The following USP25 variants were observed in gnomAD, a reference collection of about 807,000 sequenced individuals.
USP25 encodes the protein ubiquitin carboxyl-terminal hydrolase 25.
Under a neutral mutation model 158.5 loss-of-function variants are expected in USP25, and 85 were observed. That is an observed-to-expected ratio of 0.54 (90% confidence interval 0.45 to 0.64). The LOEUF (loss-of-function observed/expected upper bound fraction) is 0.64. USP25 is among the 30% of genes least tolerant of loss of function. The pLI is 0.00. For missense variants in USP25, 1,242 were observed against 1,327.3 expected (o/e 0.94, Z 1.00); for synonymous variants, 464 against 460.4 (o/e 1.01, Z -0.10).
In USP25 at chr21:15,730,028, C is replaced by G. The variant is rs1301082302; in HGVS notation, c.-366C>G. On this transcript the variant is annotated 5_prime_UTR_variant, in exon 1 of 26. Transcript: ENST00000400183. ...CGTCCCCTCTCTCCCTTCCCCAAAG[C>G]AGCCCGCGGACCGGCAGCAAAGGAA... The G allele has an allele frequency of 1.3e-5, 2 of 151,744 alleles. No individual in the cohort carries two copies. Among genetic ancestry groups the G allele is most frequent in the Admixed American group, 6.6e-5 (1 of 15,214 alleles). 9.4% of individuals were successfully genotyped at this position (151,744 alleles called of 1,614,324 possible).
intron 20 of USP25, among the ~76,000 whole-genome samples, chr21:15,862,027 T>C (rs2039449867): frequency 6.6e-6 from 1 of 152,136 alleles, no homozygotes; most frequent in East Asian, 1.9e-4. Flanking sequence ...AGAAATCTGC[T>C]ATTTATTAAA....
At chr21:15,809,470 C>A (rs2036551125) in intron 8 of USP25, among the ~76,000 whole-genome samples, 1 of 152,066 alleles carries the variant, frequency 6.6e-6, no homozygotes, top group South Asian at 2.1e-4. Context: ...CGAAACACCC[C>A]CCCCAACCCC....
At chr21:15,774,285 C>G (rs2034517515) in intron 3 of USP25, among the ~76,000 whole-genome samples, 2 of 152,110 alleles carry the variant, frequency 1.3e-5, no homozygotes, top group South Asian at 4.1e-4. Context: ...GAAAAGATTT[C>G]TTTTTAAATG....
intron 16 of USP25, 81 bp from the exon 17 acceptor site, chr21:15,833,267 T>C (rs1325840740): frequency 4.6e-6 from 6 of 1,297,542 alleles, no homozygotes; most frequent in Non-Finnish European, 6.5e-6. Context: ...TTAAATTCTA[T>C]TTGAAATGCA....
Position 15,847,638 on chromosome 21 carries a change from T to C in USP25, c.2338-25T>C, listed in dbSNP as rs144298730. Reference sequence around the variant, plus strand: ...TCTCCACTGTTCTCTTTTCTAATGTTTATATTAATGATTTCCTTCTGCAGA... The same window carrying C: ...TCTCCACTGTTCTCTTTTCTAATGTCTATATTAATGATTTCCTTCTGCAGA... On this transcript the variant is annotated intron_variant, in intron 18 of 25. Transcript: ENST00000400183. The C allele has an allele frequency of 8.3e-5, 123 of 1,475,910 alleles. No individual in the cohort carries two copies. The African/African-American group carries it at 1.6e-3, about 19-fold the overall frequency. The allele number at this position is 1,475,910 out of a possible 1,614,324, so 91.4% of individuals were successfully genotyped here. A position where few individuals can be genotyped will look rare whatever the true frequency, so the allele number is the denominator to read the frequency against.
chr21:15,730,541 G>A (rs2030706772), intron 1 of USP25, 103 bp downstream of exon 1: 1 of 1,220,928 alleles, frequency 8.2e-7, no homozygotes, highest in Non-Finnish European at 1.0e-6. Flanking sequence ...CGCCTTCCCG[G>A]GCTTCCTCCC....
intron 18 of USP25, among the ~76,000 whole-genome samples, chr21:15,845,426 T>G (rs2038534960): frequency 6.6e-6 from 1 of 152,168 alleles, no homozygotes. Flanking sequence ...TGGAAAATTT[T>G]TATGGTACTT....
intron 16 of USP25, among the ~76,000 whole-genome samples, chr21:15,833,132 A>C (rs1253334962): frequency 6.6e-6 from 1 of 152,208 alleles, no homozygotes; most frequent in Non-Finnish European, 1.5e-5. Context: ...GGATTATCAA[A>C]TATTTTCATC....
intron 1 of USP25, among the ~76,000 whole-genome samples, chr21:15,748,709 A>G (rs568749475): frequency 1.3e-5 from 2 of 152,256 alleles, no homozygotes; most frequent in Non-Finnish European, 2.9e-5. Flanking sequence ...TGAAAAACCA[A>G]CTACTAACTT....
At chr21:15,877,758 A>G (rs749795146) in intron 24 of USP25, 38 bp from the exon 25 acceptor site, 3 of 1,469,414 alleles carry the variant, frequency 2.0e-6, no homozygotes, top group East Asian at 2.4e-5. Context: ...AAAAGGAAAC[A>G]AAAACCTATT....
chr21:15,737,623 C>G lies in USP25; in HGVS notation c.45+7185C>G, dbSNP rs1170112017. ...TGTTTTAACTTAAAAATTTTAAGAA[C>G]TTTTCCCTGCTACAATATCTAGAAG... is the stretch of plus-strand genomic sequence containing the variant. On this transcript the variant is annotated intron_variant, in intron 1 of 25. Coordinates refer to ENST00000400183, the MANE Select transcript of USP25 (RefSeq NM_001283041.3). 1.3e-5 allele frequency among the ~76,000 whole-genome samples: 2 copies of G among 151,862 alleles called. 1 individual carries two copies. The highest frequency in any genetic ancestry group is 4.2e-4 in the South Asian group (2 of 4,816).
Position 15,826,069 on chromosome 21 carries a change from C to A in USP25, c.1305-135C>A. 2.0e-6 allele frequency: 2 copies of A among 1,023,992 alleles called. No homozygotes were observed. Among genetic ancestry groups the A allele is most frequent in the South Asian group, 1.8e-5 (1 of 56,316 alleles). 63.4% of individuals were successfully genotyped at this position (1,023,992 alleles called of 1,614,324 possible). ...TTAAGTGTATATTCAGTTTTACCAT[C>A]TTCGTTTTAAAGCAAATGAATTTTA... On this transcript the variant is annotated intron_variant, in intron 12 of 25. Coordinates refer to ENST00000400183, the MANE Select transcript of USP25 (RefSeq NM_001283041.3). The surrounding 1 kb of genome is among the most constrained non-coding windows in gnomAD (Gnocchi z 4.8).
At position 15,866,251 on chromosome 21, in the gene USP25, G is replaced by C; in HGVS notation, c.2727-15G>C. 1.3e-6 allele frequency: 2 copies of C among 1,582,522 alleles called. No individual in the cohort carries two copies. Among genetic ancestry groups the C allele is most frequent in the African/African-American group, 2.7e-5 (2 of 73,580 alleles). On this transcript the variant is annotated splice_polypyrimidine_tract_variant and intron_variant, in intron 21 of 25. Transcript: ENST00000400183. ...CACATACACACACGCTCATATGTAT[G>C]TGTTTTTTTTTAAGGTGTCACAACA... is the stretch of plus-strand genomic sequence containing the variant.
At chr21:15,779,045 A>G (rs970001289) in intron 4 of USP25, among the ~76,000 whole-genome samples, 1 of 152,120 alleles carries the variant, frequency 6.6e-6, no homozygotes, top group Non-Finnish European at 1.5e-5. Context: ...TGCTATGTTT[A>G]GCAAAGGCAT....
chr21:15,837,877 C>T (rs932284002), intron 17 of USP25, among the ~76,000 whole-genome samples: 2 of 151,946 alleles, frequency 1.3e-5, no homozygotes, highest in African/African-American at 4.8e-5. Flanking sequence ...AGAGTAAGAC[C>T]TGGTAGAATA....
At chr21:15,787,906 C>T (rs1165351836) in intron 4 of USP25, among the ~76,000 whole-genome samples, 1 of 144,204 alleles carries the variant, frequency 6.9e-6, no homozygotes, top group Non-Finnish European at 1.5e-5. Flanking sequence ...CCCCTCACCC[C>T]CCCCCCAAGT....
rs972871459 is a variant in USP25 at position 15,879,402 on chromosome 21, C to T, written c.*927C>T. ...AATGTTTTGCAATATATAAATCATT[C>T]TATTTTTGTAAATTGTATATCACTT... On this transcript the variant is annotated 3_prime_UTR_variant, in exon 26 of 26. Transcript: ENST00000400183. 3 of 152,256 alleles carry T rather than the reference C, an allele frequency of 2.0e-5. No individual in the cohort carries two copies. The highest frequency in any genetic ancestry group is 7.3e-5 in the African/African-American group (3 of 41,370). The allele number at this position is 152,256 out of a possible 1,614,324, so 9.4% of individuals were successfully genotyped here. A position where few individuals can be genotyped will look rare whatever the true frequency, so the allele number is the denominator to read the frequency against.
chr21:15,813,505 G>A (rs909682619), intron 9 of USP25, among the ~76,000 whole-genome samples: 5 of 152,068 alleles, frequency 3.3e-5, no homozygotes, highest in Non-Finnish European at 5.9e-5. Context: ...TATAATAAAG[G>A]AATTACCCAG....
chr21:15,821,702 C>T (rs1428387496), intron 10 of USP25, among the ~76,000 whole-genome samples: 1 of 151,902 alleles, frequency 6.6e-6, no homozygotes, highest in Admixed American at 6.6e-5. Context: ...AAAGTTTTTG[C>T]TTCTTGTGCA....
Sources: gnomAD v4.1 joint callset for allele counts (sites outside exome capture counted in the v4.1 genomes callset) on GRCh38, gnomAD v4.1.1 for gene constraint, Gnocchi (gnomAD v3.1) non-coding constraint, MANE v1.5 for transcripts, NCBI Gene and HGNC (gene_info 2026-07-23, HGNC 2026-07-21) for gene names.